Variants in POM121C observed in about 807,000 individuals in gnomAD.
The protein encoded by POM121C is POM121 transmembrane nucleoporin C.
A neutral mutation model predicts 66.4 loss-of-function variants in POM121C; 20 were observed. The observed-to-expected ratio is 0.30, with a 90% CI of 0.21 to 0.44. POM121C has a LOEUF of 0.44. Among genes scored for constraint, POM121C ranks in the 20% least tolerant of loss-of-function variants. The probability of loss-of-function intolerance (pLI) is 1.00; values close to 1 mark genes in which losing one functional copy is unlikely to be tolerated. For synonymous variants in POM121C, 286 were observed against 528.0 expected (o/e 0.54, Z 6.28); for missense variants, 580 against 1,225.7 (o/e 0.47, Z 7.87).
Position 75,422,002 on chromosome 7 carries a change from G to A in POM121C, c.2250C>T (p.Ser750=), listed in dbSNP as rs1554470768. 6 of 1,613,886 alleles carry A rather than the reference G, an allele frequency of 3.7e-6. No homozygotes were observed. The highest frequency in any genetic ancestry group is 4.2e-6 in the Non-Finnish European group (5 of 1,179,848). Residue 750 remains serine, a synonymous_variant, in exon 13 of 15, where the codon TCC becomes TCT. Coordinates refer to ENST00000615331, the MANE Select transcript of POM121C (RefSeq NM_001099415.3). ...CGTGCGCAGGCACGATCTTGATCGT[G>A]GACGCAGGTGCAGGTGTGGGTGCAG... ...PATAPTPAPA[S]TIKIVPAHVP...
intron 3 of POM121C, among the ~76,000 whole-genome samples, chr7:75,449,569 T>C (rs1245593764): frequency 1.3e-5 from 2 of 152,092 alleles, no homozygotes; most frequent in African/African-American, 2.4e-5. Context: ...GGTTTCACCG[T>C]GTTAGCCAGG....
intron 5 of POM121C, among the ~76,000 whole-genome samples, 180 bp from the exon 6 acceptor site, chr7:75,439,404 A>T (rs2116402506): frequency 6.6e-6 from 1 of 152,250 alleles, no homozygotes; most frequent in East Asian, 1.9e-4. Flanking sequence ...TTTTTCAGAC[A>T]GAGTTTCACT....
intron 13 of POM121C, chr7:75,420,469 A>T (rs1466633363): frequency 6.6e-6 from 1 of 151,472 alleles, no homozygotes; most frequent in Non-Finnish European, 1.5e-5. Flanking sequence ...TGTCGCTGGG[A>T]AACACACGCC....
At chr7:75,423,723 C>T (rs1368191629) in intron 12 of POM121C, among the ~76,000 whole-genome samples, 1 of 152,202 alleles carries the variant, frequency 6.6e-6, no homozygotes, top group Non-Finnish European at 1.5e-5. Flanking sequence ...GTAGTTCTGA[C>T]AGGCAAGGAT....
chr7:75,439,534 C>T (rs1389023974), intron 5 of POM121C, among the ~76,000 whole-genome samples: 6 of 152,192 alleles, frequency 3.9e-5, no homozygotes, highest in African/African-American at 1.4e-4. Context: ...TACAAGTATG[C>T]ACCACCACAC....
intron 12 of POM121C, 104 bp downstream of exon 12, chr7:75,423,945 C>T (rs587775408): frequency 8.5e-6 from 13 of 1,521,752 alleles, no homozygotes; most frequent in Middle Eastern, 2.4e-4. Context: ...GTGCGTTCGG[C>T]CTGCAGAGCA....
intron 3 of POM121C, among the ~76,000 whole-genome samples, chr7:75,450,397 G>A (rs58030979): frequency 0.15 from 22,888 of 150,036 alleles, 2,243 homozygotes; most frequent in African/African-American, 0.27. Context: ...AGGAAAGCAG[G>A]GCAGTCACAA....
At chr7:75,466,211 TAA>T (rs35718925) in intron 3 of POM121C, among the ~76,000 whole-genome samples, 1 of 138,916 alleles carries the variant, frequency 7.2e-6, no homozygotes, top group Non-Finnish European at 1.6e-5. Context: ...GAAGAAGCAA[TAA>T]AAAAAAAAAA....
chr7:75,430,214 C>T (rs1214367392), intron 7 of POM121C, among the ~76,000 whole-genome samples: 2 of 152,022 alleles, frequency 1.3e-5, no homozygotes, highest in African/African-American at 4.8e-5. Flanking sequence ...AGAAACAAGA[C>T]AGTCCTGAAA....
intron 1 of POM121C, among the ~76,000 whole-genome samples, chr7:75,480,611 G>T (rs1440956964): frequency 6.6e-6 from 1 of 152,058 alleles, no homozygotes; most frequent in African/African-American, 2.4e-5. Context: ...GTTCCATGTA[G>T]CATTCCAGAC....
At chr7:75,468,203 C>A (rs1791744585) in intron 3 of POM121C, among the ~76,000 whole-genome samples, 1 of 151,216 alleles carries the variant, frequency 6.6e-6, no homozygotes, top group Non-Finnish European at 1.5e-5. Flanking sequence ...CTGAGCCTCT[C>A]CTCTCAAAGA....
At chr7:75,485,359 G>T (rs1218215499) in intron 1 of POM121C, among the ~76,000 whole-genome samples, 1 of 152,040 alleles carries the variant, frequency 6.6e-6, no homozygotes, top group African/African-American at 2.4e-5. Context: ...AGTCTCCTGG[G>T]TTCTACTATG....
chr7:75,421,223 T>TC, intron 13 of POM121C: 1 of 891,586 alleles, frequency 1.1e-6, no homozygotes, highest in South Asian at 1.8e-5. Flanking sequence ...TGATCCACCC[T>TC]CCTTGGCCTC....
chr7:75,439,010 T>TTCC, intron 6 of POM121C, 134 bp downstream of exon 6: 2 of 961,776 alleles, frequency 2.1e-6, no homozygotes, highest in South Asian at 1.6e-5. Flanking sequence ...ACTCAGAATA[T>TTCC]TCCTAATTTC....
In POM121C at chr7:75,424,646, A is replaced by C. The variant is rs781872692; in HGVS notation, c.769-18T>G. The C allele has an allele frequency of 1.2e-6, 2 of 1,610,398 alleles. No homozygotes were observed. Among genetic ancestry groups the C allele is most frequent in the African/African-American group, 2.7e-5 (2 of 74,628 alleles). Reference sequence around the variant, plus strand: ...GGTGGAGGCTACCAAAGAGAAAAAGAAGAAGTCAGGCCAATCAGAAAAAAC... The same window carrying C: ...GGTGGAGGCTACCAAAGAGAAAAAGCAGAAGTCAGGCCAATCAGAAAAAAC... On this transcript the variant is annotated intron_variant, in intron 10 of 14. Coordinates refer to ENST00000615331, the MANE Select transcript of POM121C (RefSeq NM_001099415.3).
intron 3 of POM121C, among the ~76,000 whole-genome samples, chr7:75,456,323 C>G (rs1243361155): frequency 1.3e-5 from 2 of 152,394 alleles, no homozygotes; most frequent in East Asian, 3.9e-4. Context: ...TTATCTTTTA[C>G]TTGAGGCTGA....
intron 3 of POM121C, among the ~76,000 whole-genome samples, chr7:75,456,576 T>C (rs1584692287): frequency 6.6e-6 from 1 of 152,350 alleles, no homozygotes; most frequent in East Asian, 1.9e-4. Flanking sequence ...AAAGGCACAG[T>C]GGCTGCGGTG....
intron 12 of POM121C, among the ~76,000 whole-genome samples, chr7:75,423,628 C>A (rs587695793): frequency 6.6e-6 from 1 of 152,030 alleles, no homozygotes; most frequent in Non-Finnish European, 1.5e-5. Flanking sequence ...GAGGTGTGCG[C>A]GCGCAGTGCC....
chr7:75,471,941 A>C (rs1791895226), intron 3 of POM121C, among the ~76,000 whole-genome samples: 1 of 152,040 alleles, frequency 6.6e-6, no homozygotes, highest in African/African-American at 2.4e-5. Context: ...GCTGGAGTGC[A>C]GCGGTGTGAT....
Sources: gnomAD v4.1 joint callset for allele counts (sites outside exome capture counted in the v4.1 genomes callset) on GRCh38, gnomAD v4.1.1 for gene constraint, MANE v1.5 for transcripts, NCBI Gene and HGNC (gene_info 2026-07-23, HGNC 2026-07-21) for gene names.